MBOAT7: variants seen among roughly 807,000 people sequenced by gnomAD.
The protein encoded by MBOAT7 is membrane bound acylglycerophosphatidylinositol O-acyltransferase MBOAT7.
A neutral mutation model predicts 47.4 loss-of-function variants in MBOAT7; 40 were observed. The observed-to-expected ratio is 0.84, with a 90% CI of 0.66 to 1.10. The LOEUF is 1.10. Ranked by LOEUF, MBOAT7 falls within the 50% of genes least tolerant of loss-of-function variation. The probability of loss-of-function intolerance (pLI) is 0.00; values close to 1 mark genes in which losing one functional copy is unlikely to be tolerated. For synonymous variants in MBOAT7, 361 were observed against 292.0 expected (o/e 1.24, Z -2.41); for missense variants, 680 against 655.6 (o/e 1.04, Z -0.41).
Position 54,174,026 on chromosome 19 carries a change from A to G in MBOAT7, c.*18T>C. The G allele has an allele frequency of 6.4e-7, 1 of 1,551,902 alleles. No individual in the cohort carries two copies. On this transcript the variant is annotated 3_prime_UTR_variant, in exon 8 of 8. Coordinates refer to ENST00000245615, the MANE Select transcript of MBOAT7 (RefSeq NM_024298.5). The stretch of plus-strand genomic sequence containing the variant: ...CAGAATTCCCGGGACCAGCTGGCAG[A>G]GGGAGCGTCGTGACAGCTTACTCCT...
intron 7 of MBOAT7, chr19:54,178,412 C>T: frequency 8.1e-7 from 1 of 1,235,060 alleles, no homozygotes; most frequent in Non-Finnish European, 1.0e-6. Flanking sequence ...GCATTCACTC[C>T]ATTCAACACT....
At position 54,184,432 on chromosome 19, in the gene MBOAT7, C is replaced by T. The variant is rs190086867; in HGVS notation, c.334-752G>A. 1.9e-3 allele frequency among the ~76,000 whole-genome samples: 288 copies of T among 152,206 alleles called. 5 individuals are homozygous for T. The highest frequency in any genetic ancestry group is 2.0e-3 in the Non-Finnish European group (139 of 68,014). On this transcript the variant is annotated intron_variant, in intron 4 of 7. Transcript: ENST00000245615. ...TTTCCCACCAGTCCCAAGGTCCACC[C>T]TATATCAATAGATCTCCTTCTTCCA...
chr19:54,175,269 C>T (rs79711321), intron 7 of MBOAT7, among the ~76,000 whole-genome samples: 5,054 of 152,270 alleles, frequency 0.033, 248 homozygotes, highest in African/African-American at 0.11. Flanking sequence ...TCAGACACCA[C>T]ACCCGGGCAG....
chr19:54,189,438 T>G lies in MBOAT7; in HGVS notation c.-104A>C, dbSNP rs1263715475. Reference sequence around the variant, plus strand: ...CCGCCCAGCGCGCCCCCGCGCCGCCTGCTCCTTCTGGGCGCCCGCCGGGCT... The same window carrying G: ...CCGCCCAGCGCGCCCCCGCGCCGCCGGCTCCTTCTGGGCGCCCGCCGGGCT... On this transcript the variant is annotated 5_prime_UTR_variant, in exon 1 of 8. Coordinates refer to ENST00000245615, the MANE Select transcript of MBOAT7 (RefSeq NM_024298.5). 1 of 152,846 alleles carries G rather than the reference T, an allele frequency of 6.5e-6. No homozygotes were observed. Among genetic ancestry groups the G allele is most frequent in the African/African-American group, 2.4e-5 (1 of 41,470 alleles). 9.5% of individuals were successfully genotyped at this position (152,846 alleles called of 1,614,324 possible). A position where few individuals can be genotyped will look rare whatever the true frequency, so the allele number is the denominator to read the frequency against.
chr19:54,176,127 T>C (rs909233641), intron 7 of MBOAT7, among the ~76,000 whole-genome samples: 7 of 152,220 alleles, frequency 4.6e-5, no homozygotes, highest in Admixed American at 1.3e-4. Context: ...AGTGCTGGGA[T>C]TACAGGTCTG....
chr19:54,186,916 C>T, intron 4 of MBOAT7: 1 of 518,736 alleles, frequency 1.9e-6, no homozygotes, highest in East Asian at 3.1e-5. Flanking sequence ...ACCGCAAGCA[C>T]CCAATGGCAC....
At chr19:54,175,120 CG>C (rs2076059706) in intron 7 of MBOAT7, among the ~76,000 whole-genome samples, 1 of 151,804 alleles carries the variant, frequency 6.6e-6, no homozygotes, top group Non-Finnish European at 1.5e-5. Context: ...GGACTACAGG[CG>C]CCTGCCACCA....
chr19:54,178,684 C>T, intron 7 of MBOAT7, 81 bp downstream of exon 7: 1 of 1,549,192 alleles, frequency 6.5e-7, no homozygotes, highest in Non-Finnish European at 8.7e-7. Context: ...GGGGCCCAGC[C>T]AGGGACGCTG....
At chr19:54,186,580 C>G (rs1407712313) in intron 4 of MBOAT7, among the ~76,000 whole-genome samples, 1 of 152,182 alleles carries the variant, frequency 6.6e-6, no homozygotes, top group Non-Finnish European at 1.5e-5. Flanking sequence ...CCACGAACCC[C>G]TCTCTCATCC....
Position 54,173,840 on chromosome 19 carries a change from T to G in MBOAT7, c.*204A>C. ...GACTCTTGTCTGGACAATACTTTGA[T>G]TTTGTAGGAGTGGAGGTGGCCTCTG... is the stretch of plus-strand genomic sequence containing the variant. On this transcript the variant is annotated 3_prime_UTR_variant, in exon 8 of 8. Coordinates refer to ENST00000245615, the MANE Select transcript of MBOAT7 (RefSeq NM_024298.5). 2.0e-5 allele frequency: 9 copies of G among 460,584 alleles called. No individual in the cohort carries two copies. Among genetic ancestry groups the G allele is most frequent in the African/African-American group, 4.8e-5 (2 of 41,710 alleles). 28.5% of individuals were successfully genotyped at this position (460,584 alleles called of 1,614,324 possible).
intron 7 of MBOAT7, among the ~76,000 whole-genome samples, chr19:54,175,047 C>T (rs1159573729): frequency 3.4e-5 from 5 of 146,336 alleles, no homozygotes; most frequent in Admixed American, 2.1e-4. Context: ...GCGATCTTGG[C>T]TCACTGCAAG....
intron 7 of MBOAT7, among the ~76,000 whole-genome samples, chr19:54,177,653 C>T (rs147601711): frequency 2.0e-5 from 3 of 149,818 alleles, no homozygotes; most frequent in South Asian, 4.3e-4. Flanking sequence ...CTTGGCTCAC[C>T]GCAACCTCCG....
At chr19:54,181,303 G>A (rs935713923) in intron 5 of MBOAT7, among the ~76,000 whole-genome samples, 170 bp from the exon 6 acceptor site, 1 of 152,060 alleles carries the variant, frequency 6.6e-6, no homozygotes, top group Admixed American at 6.6e-5. Context: ...GAGAGATGGG[G>A]ATAAGGAACG....
At chr19:54,187,382 T>A in intron 3 of MBOAT7, 95 bp from the exon 4 acceptor site, 1 of 1,420,962 alleles carries the variant, frequency 7.0e-7, no homozygotes, top group Admixed American at 2.5e-5. Context: ...CCCCCAGCTC[T>A]CCCCATTCGT....
intron 3 of MBOAT7, among the ~76,000 whole-genome samples, 194 bp downstream of exon 3, chr19:54,188,023 A>AAGACAGAAAGACAGAAAGACAGAAAGAC (rs1491180155): frequency 4.4e-5 from 4 of 91,402 alleles, no homozygotes; most frequent in East Asian, 3.3e-4. Flanking sequence ...CTCAGAAAGA[A>AAGACAGAAAGACAGAAAGACAGAAAGAC]AGAAAGAAAG....
intron 6 of MBOAT7, chr19:54,179,414 T>C: frequency 5.9e-6 from 1 of 168,332 alleles, no homozygotes; most frequent in South Asian, 1.6e-4. Context: ...ATGATCTTTG[T>C]TGCTAAGGAA....
Position 54,178,419 on chromosome 19 carries a change from C to T in MBOAT7, c.1031+346G>A, listed in dbSNP as rs1477029761. On this transcript the variant is annotated intron_variant, in intron 7 of 7. Transcript: ENST00000245615. ...AATAAATAGCATTCACTCCATTCAA[C>T]ACTTGAGGCAACTAAGAGGTCAACT... The T allele has an allele frequency of 9.6e-6, 12 of 1,255,868 alleles. No individual in the cohort carries two copies. The East Asian group carries it at 2.3e-4, about 24-fold the overall frequency. The allele number at this position is 1,255,868 out of a possible 1,614,324, so 77.8% of individuals were successfully genotyped here. A position where few individuals can be genotyped will look rare whatever the true frequency, so the allele number is the denominator to read the frequency against.
At chr19:54,174,491 C>T (rs1327945799) in intron 7 of MBOAT7, 60 bp from the exon 8 acceptor site, 2 of 1,452,892 alleles carry the variant, frequency 1.4e-6, no homozygotes, top group African/African-American at 2.9e-5. Context: ...CCACTGCCCC[C>T]AGATCCAGGA....
Position 54,183,501 on chromosome 19 carries a change from G to A in MBOAT7, c.493+20C>T, listed in dbSNP as rs1238565916. 1 of 1,603,388 alleles carries A rather than the reference G, an allele frequency of 6.2e-7. No individual in the cohort carries two copies. The highest frequency in any genetic ancestry group is 8.5e-7 in the Non-Finnish European group (1 of 1,175,474). ...ACACAGGAGACAGAGCGGCAGAGTT[G>A]TTAGGGCAGCCCCACTCACCTGTCA... On this transcript the variant is annotated intron_variant, in intron 5 of 7. Transcript: ENST00000245615.
Sources: allele counts gnomAD v4.1 joint callset (sites outside exome capture counted in the v4.1 genomes callset), GRCh38; gene constraint gnomAD v4.1.1; transcripts MANE v1.5; gene names NCBI Gene and HGNC (gene_info 2026-07-23, HGNC 2026-07-21).